The following WDR5 variants were observed in gnomAD, a reference collection of about 807,000 sequenced individuals.
WDR5 encodes the protein WD repeat-containing protein 5.
For missense variants in WDR5, 187 were observed against 416.9 expected, an observed-to-expected ratio of 0.45 and a Z score of 4.80; for synonymous variants, 144 against 161.6, an observed-to-expected ratio of 0.89 and a Z score of 0.83.
At chr9:134,156,925 A>G (rs1483355605) in intron 13 of WDR5, among the ~76,000 whole-genome samples, 1 of 152,200 alleles carries the variant, frequency 6.6e-6, no homozygotes, top group Admixed American at 6.5e-5. Context: ...GGCTGGGGAC[A>G]GTGAGGTCAT....
rs1285884764 is a variant in WDR5 at position 134,148,332 on chromosome 9, T to C, written c.573T>C (p.Tyr191=). The change falls in exon 8 of 14, where the codon TAT becomes TAC. Residue 191 remains tyrosine, a synonymous_variant. Coordinates refer to ENST00000358625, the MANE Select transcript of WDR5 (RefSeq NM_017588.3). ...RDGSLIVSSS[Y]DGLCRIWDTA... is the part of the protein sequence containing the mutation. ...GATCCTTGATAGTTTCAAGTAGCTA[T>C]GATGGTCTCTGGTAAGTGAAAACAT... 1 of 1,613,492 alleles carries C rather than the reference T, an allele frequency of 6.2e-7. No homozygotes were observed.
At chr9:134,142,087 C>T (rs774176033) in intron 5 of WDR5, 49 bp downstream of exon 5, 19 of 1,422,470 alleles carry the variant, frequency 1.3e-5, no homozygotes, top group East Asian at 3.1e-5. Flanking sequence ...CTGCAGGGCA[C>T]GGGGCAGGTG....
chr9:134,149,105 A>G (rs546351999), intron 8 of WDR5, among the ~76,000 whole-genome samples: 25 of 152,194 alleles, frequency 1.6e-4, no homozygotes, highest in African/African-American at 6.0e-4. Context: ...GGACACGCAC[A>G]CTCGAAATCT....
chr9:134,138,070 T>G (rs1588166649), intron 1 of WDR5, among the ~76,000 whole-genome samples: 1 of 152,160 alleles, frequency 6.6e-6, no homozygotes, highest in South Asian at 2.1e-4. Flanking sequence ...AAGTTAAGGT[T>G]GTTTTGTTTG....
intron 1 of WDR5, among the ~76,000 whole-genome samples, chr9:134,137,073 C>T (rs1468706133): frequency 6.6e-6 from 1 of 152,152 alleles, no homozygotes; most frequent in Non-Finnish European, 1.5e-5. Context: ...TGTCTTTGCA[C>T]ACAGTATGCT....
chr9:134,136,922 G>T (rs1831592359), intron 1 of WDR5, among the ~76,000 whole-genome samples: 6 of 152,342 alleles, frequency 3.9e-5, no homozygotes, highest in Middle Eastern at 3.4e-3. Context: ...ACCTGGGCAG[G>T]TGCTGTCCTA....
At position 134,158,107 on chromosome 9, in the gene WDR5, T is replaced by A. The variant is rs1832833332; in HGVS notation, c.*114T>A. 1 of 885,774 alleles carries A rather than the reference T, an allele frequency of 1.1e-6. No homozygotes were observed. The highest frequency in any genetic ancestry group is 1.7e-5 in the African/African-American group (1 of 60,226). The allele number at this position is 885,774 out of a possible 1,614,324, so 54.9% of individuals were successfully genotyped here. ...TGCGCCTGGGGGTCAGGACAGGGCC[T>A]GATTTGAGCCTCCTCTCTGAAGATG... is the stretch of plus-strand genomic sequence containing the variant. On this transcript the variant is annotated 3_prime_UTR_variant, in exon 14 of 14. Transcript: ENST00000358625.
At chr9:134,152,551 G>T (rs72766685) in intron 9 of WDR5, among the ~76,000 whole-genome samples, 7,703 of 152,306 alleles carry the variant, frequency 0.051, 199 homozygotes, top group Middle Eastern at 0.085. Context: ...GACGGCCCGG[G>T]GTTCCCAGCT....
intron 7 of WDR5, among the ~76,000 whole-genome samples, chr9:134,145,095 T>C (rs566979908): frequency 0.023 from 2,380 of 104,030 alleles, 80 homozygotes; most frequent in African/African-American, 0.086. Context: ...TGTGGGGCTT[T>C]GTTTTTTTTT....
intron 7 of WDR5, among the ~76,000 whole-genome samples, chr9:134,145,103 T>G (rs796067905): frequency 2.6e-4 from 23 of 89,848 alleles, no homozygotes; most frequent in South Asian, 3.9e-4. Context: ...TTTGTTTTTT[T>G]TTTTTTTTTT....
chr9:134,157,636 C>A lies in WDR5; in HGVS notation c.905-257C>A, dbSNP rs1303603831. Among the ~76,000 whole-genome samples, 1 of 152,108 alleles carries A rather than the reference C, an allele frequency of 6.6e-6. No individual in the cohort carries two copies. The highest frequency in any genetic ancestry group is 6.5e-5 in the Admixed American group (1 of 15,274). ...GCGTGTGGGGCTCCTGGTCTGCAGGCAGGGCTGGCACTCCCTGTGGCCTCC... is the reference window on the plus strand; with the variant it reads ...GCGTGTGGGGCTCCTGGTCTGCAGGAAGGGCTGGCACTCCCTGTGGCCTCC... On this transcript the variant is annotated intron_variant, in intron 13 of 13. Transcript: ENST00000358625. The surrounding 1 kb of genome is among the most constrained non-coding windows in gnomAD (Gnocchi z 5.0).
In WDR5 at chr9:134,157,766, C is replaced by T. The variant is rs1219518387; in HGVS notation, c.905-127C>T. On this transcript the variant is annotated intron_variant, in intron 13 of 13. Transcript: ENST00000358625. This position sits in a 1 kb window ranked among gnomAD's most constrained non-coding sequence, Gnocchi z 5.0. Reference sequence around the variant, plus strand: ...CGAAGGTGGGCAGTGGGTGCTTGTCCTGTGACCTCCCAGGTGGCGGGCAGG... The same window carrying T: ...CGAAGGTGGGCAGTGGGTGCTTGTCTTGTGACCTCCCAGGTGGCGGGCAGG... 1.2e-6 allele frequency: 1 copy of T among 811,746 alleles called. No individual in the cohort carries two copies. The highest frequency in any genetic ancestry group is 2.0e-6 in the Non-Finnish European group (1 of 501,584). 50.3% of individuals were successfully genotyped at this position (811,746 alleles called of 1,614,324 possible).
At position 134,151,952 on chromosome 9, in the gene WDR5, C is replaced by T. The variant is rs1280854694; in HGVS notation, c.585-31C>T. 5.0e-6 allele frequency: 8 copies of T among 1,611,582 alleles called. No homozygotes were observed. The South Asian group carries it at 7.7e-5, about 16-fold the overall frequency. ...CCCGCGTGAGATCATAACTTGTCTG[C>T]TTACGCTTTTTTGTTCTCTTTGCTT... On this transcript the variant is annotated intron_variant, in intron 8 of 13. Transcript: ENST00000358625.
chr9:134,148,071 G>A (rs1363723693), intron 7 of WDR5, among the ~76,000 whole-genome samples: 1 of 151,934 alleles, frequency 6.6e-6, no homozygotes, highest in Non-Finnish European at 1.5e-5. Context: ...GCTGAGGCAC[G>A]AGAATTGCTT....
intron 1 of WDR5, among the ~76,000 whole-genome samples, 160 bp from the exon 2 acceptor site, chr9:134,139,660 G>A (rs1313263079): frequency 6.6e-6 from 1 of 152,176 alleles, no homozygotes; most frequent in Non-Finnish European, 1.5e-5. Context: ...TATTAGCAAG[G>A]ACTTAGGGGA....
intron 4 of WDR5, 100 bp downstream of exon 4, chr9:134,141,683 A>C: frequency 7.8e-7 from 1 of 1,284,220 alleles, no homozygotes; most frequent in South Asian, 1.3e-5. Flanking sequence ...TCAGGTTTTA[A>C]GTTTTCCCCG....
chr9:134,153,518 G>A (rs564720041), intron 9 of WDR5, among the ~76,000 whole-genome samples: 46 of 152,342 alleles, frequency 3.0e-4, no homozygotes, highest in Non-Finnish European at 5.1e-4. Context: ...CCGGCCCCCC[G>A]GCCCTCACTG....
intron 7 of WDR5, among the ~76,000 whole-genome samples, 167 bp from the exon 8 acceptor site, chr9:134,148,121 C>T (rs1428848086): frequency 6.6e-6 from 1 of 151,584 alleles, no homozygotes; most frequent in Non-Finnish European, 1.5e-5. Context: ...TGAGATCGCA[C>T]CCCAGCCTGG....
Position 134,142,409 on chromosome 9 carries a change from T to C in WDR5, c.431T>C (p.Ile144Thr), listed in dbSNP as rs1349173055. The C allele has an allele frequency of 6.2e-7, 1 of 1,614,186 alleles. No homozygotes were observed. ...AACTTCAATCCCCAGTCCAACCTTA[T>C]TGTCTCAGGATCCGTAAGTGTGGCT... Reference protein sequence around the residue: ...CCNFNPQSNLIVSGSFDESVR... With the variant: ...CCNFNPQSNLTVSGSFDESVR... The change falls in exon 6 of 14, where the codon ATT becomes ACT. Residue 144 changes from isoleucine (I) to threonine (T), a missense_variant. Physicochemically the swap from Ile to Thr is moderately conservative, Grantham distance 89. Coordinates refer to ENST00000358625, the MANE Select transcript of WDR5 (RefSeq NM_017588.3).
Sources: gnomAD v4.1 joint callset for allele counts (sites outside exome capture counted in the v4.1 genomes callset) on GRCh38, gnomAD v4.1.1 for gene constraint, Gnocchi (gnomAD v3.1) non-coding constraint, MANE v1.5 for transcripts, NCBI Gene and HGNC (gene_info 2026-07-23, HGNC 2026-07-21) for gene names.